CEP57: variants seen among roughly 807,000 people sequenced by gnomAD.
CEP57 encodes centrosomal protein of 57 kDa.
Under a neutral mutation model 68.0 loss-of-function variants are expected in CEP57, and 40 were observed. The ratio of observed to expected loss-of-function variants is 0.59; its 90% CI spans 0.46 to 0.77. The LOEUF is 0.77. CEP57 is among the 30% of genes least tolerant of loss of function. The probability of loss-of-function intolerance (pLI) is 0.00; values close to 1 mark genes in which losing one functional copy is unlikely to be tolerated. For synonymous variants in CEP57, 219 were observed against 198.7 expected, an observed-to-expected ratio of 1.10 and a Z score of -0.86; for missense variants, 606 against 580.7, an observed-to-expected ratio of 1.04 and a Z score of -0.45.
At position 95,817,887 on chromosome 11, in the gene CEP57, T is replaced by A. The variant is rs758501924; in HGVS notation, c.605T>A (p.Met202Lys). ...LEQEYNKLTT[M>K]QALAEKKMQE... ...CAGGAGTATAACAAACTTACCACAA[T>A]GCAGGCCCTTGCAGAAGTCAGTGCA... is the stretch of plus-strand genomic sequence containing the variant. Residue 202 changes from methionine to lysine, a missense_variant, in exon 5 of 11, where the codon ATG becomes AAG. Coordinates refer to ENST00000325542, the MANE Select transcript of CEP57 (RefSeq NM_014679.5). 2 of 1,608,316 alleles carry A rather than the reference T, an allele frequency of 1.2e-6. No homozygotes were observed. The highest frequency in any genetic ancestry group is 4.5e-5 in the East Asian group (2 of 44,814).
In CEP57 at chr11:95,832,140, TATC is replaced by T. The variant is rs1475655905; in HGVS notation, c.*887_*889del. On this transcript the variant is annotated 3_prime_UTR_variant, in exon 11 of 11. Transcript: ENST00000325542. ...GTGGAATATAAACTGTACACATAAT[TATC>T]ATGTTGATATAAATCATAATTTCAA... 8 of 152,256 alleles carry T rather than the reference TATC, an allele frequency of 5.3e-5. No homozygotes were observed. The highest frequency in any genetic ancestry group is 2.1e-4 in the South Asian group (1 of 4,826). The allele number at this position is 152,256 out of a possible 1,614,324, so 9.4% of individuals were successfully genotyped here. A position where few individuals can be genotyped will look rare whatever the true frequency, so the allele number is the denominator to read the frequency against.
intron 5 of CEP57, 37 bp downstream of exon 5, chr11:95,817,940 A>G (rs1565326558): frequency 7.7e-7 from 1 of 1,301,010 alleles, no homozygotes; most frequent in Non-Finnish European, 1.1e-6. Context: ...AACATATATC[A>G]GGGTGGTTTT....
chr11:95,814,371 T>C (rs1444177849), intron 4 of CEP57, among the ~76,000 whole-genome samples: 2 of 150,846 alleles, frequency 1.3e-5, no homozygotes, highest in Non-Finnish European at 3.0e-5. Context: ...TTTTTTTTTT[T>C]TTTTTTGAGA....
chr11:95,825,209 G>A (rs1862687739), intron 8 of CEP57, among the ~76,000 whole-genome samples: 2 of 152,142 alleles, frequency 1.3e-5, no homozygotes, highest in South Asian at 4.1e-4. Context: ...GGGTCTGGAA[G>A]GATTACAGTT....
chr11:95,821,478 T>C (rs1301956969), intron 6 of CEP57, among the ~76,000 whole-genome samples: 1 of 152,180 alleles, frequency 6.6e-6, no homozygotes, highest in Non-Finnish European at 1.5e-5. Context: ...AGGGAAGAAA[T>C]GTATTCTGCT....
At chr11:95,825,302 C>G (rs769540373) in intron 8 of CEP57, among the ~76,000 whole-genome samples, 1 of 152,106 alleles carries the variant, frequency 6.6e-6, no homozygotes, top group Non-Finnish European at 1.5e-5. Flanking sequence ...AGAAAACTCT[C>G]CAGGTGATAT....
rs561028833 is a variant in CEP57 at position 95,829,357 on chromosome 11, T to C, written c.1272+26T>C. On this transcript the variant is annotated intron_variant, in intron 10 of 10. Coordinates refer to ENST00000325542, the MANE Select transcript of CEP57 (RefSeq NM_014679.5). Reference sequence around the variant, plus strand: ...GTAACTCAGTTTTCCTTCACTCAAGTTTCTAATGATTAAGAAAAAAAAAAC... The same window carrying C: ...GTAACTCAGTTTTCCTTCACTCAAGCTTCTAATGATTAAGAAAAAAAAAAC... 5 of 1,604,202 alleles carry C rather than the reference T, an allele frequency of 3.1e-6. No individual in the cohort carries two copies. In the Admixed American group the frequency reaches 8.4e-5, roughly 27 times the overall value.
chr11:95,813,545 A>G lies in CEP57; in HGVS notation c.460A>G (p.Ile154Val). ...ACAATTGGAATACATGCGAAATATG[A>G]TAAAGCATGCCGAAATGGAGAGGAC... is the stretch of plus-strand genomic sequence containing the variant. ...EKQLEYMRNM[I>V]KHAEMERTSV... Residue 154 changes from isoleucine (I) to valine (V), a missense_variant, in exon 4 of 11, where the codon ATA (isoleucine) becomes GTA (valine). Transcript: ENST00000325542. 1 of 1,613,252 alleles carries G rather than the reference A, an allele frequency of 6.2e-7. No homozygotes were observed. Among genetic ancestry groups the G allele is most frequent in the Non-Finnish European group, 8.5e-7 (1 of 1,179,962 alleles).
intron 9 of CEP57, among the ~76,000 whole-genome samples, chr11:95,828,473 A>G (rs761462015): frequency 1.5e-5 from 2 of 136,978 alleles, no homozygotes; most frequent in Non-Finnish European, 3.5e-5. Flanking sequence ...GTATTTGTGT[A>G]TATAAACATC....
At position 95,790,678 on chromosome 11, in the gene CEP57, A is replaced by AC. The variant is rs933283743; in HGVS notation, c.-16dup. On this transcript the variant is annotated 5_prime_UTR_variant, in exon 1 of 11. Transcript: ENST00000325542. ...CCTAGACCGCCCCCGAAGTGCGGAG[A>AC]CCCCCTGGGCAGGCTGAAAGATGGC... The AC allele has an allele frequency of 1.4e-5, 22 of 1,613,018 alleles. No individual in the cohort carries two copies. The highest frequency in any genetic ancestry group is 1.1e-4 in the East Asian group (5 of 44,874).
intron 10 of CEP57, among the ~76,000 whole-genome samples, 159 bp downstream of exon 10, chr11:95,829,490 T>G (rs1269907957): frequency 1.3e-5 from 2 of 152,218 alleles, no homozygotes; most frequent in African/African-American, 4.8e-5. Flanking sequence ...GGTAAGTGGA[T>G]TAAGAAAGAA....
upstream of CEP57, chr11:95,790,488 A>G: frequency 1.7e-6 from 1 of 605,288 alleles, no homozygotes; most frequent in South Asian, 2.0e-5. Context: ...GTCCGTTAGG[A>G]CGTGTTGCCC....
chr11:95,792,073 T>C (rs1004890882), intron 1 of CEP57, among the ~76,000 whole-genome samples: 1 of 152,154 alleles, frequency 6.6e-6, no homozygotes, highest in Non-Finnish European at 1.5e-5. Flanking sequence ...TTTGTAATAA[T>C]GGGACTAGAA....
intron 1 of CEP57, chr11:95,794,230 T>G (rs1394588098): frequency 2.2e-6 from 1 of 455,478 alleles, no homozygotes; most frequent in African/African-American, 2.0e-5. Context: ...GACCAGAGGC[T>G]GGGCTCTGGA....
In CEP57 at chr11:95,790,569, G is replaced by T. The variant is rs1214352811; in HGVS notation, c.-130G>T. On this transcript the variant is annotated 5_prime_UTR_variant, in exon 1 of 11. Transcript: ENST00000325542. ...GCAGGGGTTTCCAAGCCCAGCACCA[G>T]CACCCTTGCCCTTTTCCATCAGGGG... The T allele has an allele frequency of 1.7e-5, 19 of 1,104,572 alleles. 1 individual carries two copies. The South Asian group carries it at 2.5e-4, about 15-fold the overall frequency. 68.4% of individuals were successfully genotyped at this position (1,104,572 alleles called of 1,614,324 possible).
intron 2 of CEP57, among the ~76,000 whole-genome samples, chr11:95,811,101 T>C (rs1406636209): frequency 6.6e-6 from 1 of 152,170 alleles, no homozygotes; most frequent in Non-Finnish European, 1.5e-5. Context: ...ACCCAAAGGA[T>C]TATAAATCAT....
rs1862521928 is a variant in CEP57 at position 95,821,683 on chromosome 11, G to A, written c.700-188G>A. Among the ~76,000 whole-genome samples the A allele has an allele frequency of 2.0e-5, 3 of 152,314 alleles. No individual in the cohort carries two copies. In the South Asian group the frequency reaches 6.2e-4, roughly 32 times the overall value. ...AACAGAAGGTCAAGATAAAATGAGA[G>A]ACTGGTATTTATTTAAAATATTTGA... On this transcript the variant is annotated intron_variant, in intron 6 of 10. Transcript: ENST00000325542.
At chr11:95,814,195 G>T (rs997769939) in intron 4 of CEP57, among the ~76,000 whole-genome samples, 2 of 151,986 alleles carry the variant, frequency 1.3e-5, no homozygotes, top group Non-Finnish European at 2.9e-5. Flanking sequence ...TGGGATTACA[G>T]GCGCATGCCA....
At chr11:95,829,930 T>A (rs1056585162) in intron 10 of CEP57, among the ~76,000 whole-genome samples, 1 of 151,974 alleles carries the variant, frequency 6.6e-6, no homozygotes, top group Non-Finnish European at 1.5e-5. Flanking sequence ...GTAAACAGAT[T>A]TGAGGTATGT....
Sources: allele counts gnomAD v4.1 joint callset (sites outside exome capture counted in the v4.1 genomes callset), GRCh38; gene constraint gnomAD v4.1.1; transcripts MANE v1.5; gene names NCBI Gene and HGNC (gene_info 2026-07-23, HGNC 2026-07-21).